The following RGPD2 variants were observed in gnomAD, a reference collection of about 807,000 sequenced individuals.
RGPD2 encodes the protein RANBP2-like and GRIP domain-containing protein 2.
Under a neutral mutation model 36.0 loss-of-function variants are expected in RGPD2, and 2 were observed. That is an observed-to-expected ratio of 0.06 (90% CI 0.02 to 0.17). The LOEUF is 0.17. Ranked by LOEUF, RGPD2 falls within the 10% of genes least tolerant of loss-of-function variation. The pLI, the probability that RGPD2 is intolerant of heterozygous loss-of-function variation, is 1.00. For missense variants in RGPD2, 40 were observed against 464.3 expected (o/e 0.09, Z 8.40); for synonymous variants, 19 against 163.8 (o/e 0.12, Z 6.75).
rs751300891 is a variant in RGPD2 at position 87,825,754 on chromosome 2, A to G, written c.-25T>C. ...TCGCACCGCCAACCTGGCTCCCGAG[A>G]CGCGTGAAACCAGCGCTCAGCCCCG... On this transcript the variant is annotated 5_prime_UTR_variant, in exon 1 of 23. Coordinates refer to ENST00000398146, the MANE Select transcript of RGPD2 (RefSeq NM_001078170.3). 2.5e-6 allele frequency: 4 copies of G among 1,583,722 alleles called. No homozygotes were observed. The South Asian group carries it at 3.4e-5, about 14-fold the overall frequency.
At chr2:87,917,014 T>C in the RGPD2 span, among the ~76,000 whole-genome samples, 1 of 152,116 alleles carries the variant, frequency 6.6e-6, no homozygotes, top group Non-Finnish European at 1.5e-5. Flanking sequence ...TTTGATTTAA[T>C]ATTTGAGTAG....
the RGPD2 span, among the ~76,000 whole-genome samples, chr2:87,915,399 A>T: frequency 2.8e-5 from 4 of 141,124 alleles, no homozygotes; most frequent in Admixed American, 7.4e-5. Flanking sequence ...ATATATGTAT[A>T]TTATATATAT....
At chr2:87,963,130 A>C in the RGPD2 span, among the ~76,000 whole-genome samples, 1 of 151,858 alleles carries the variant, frequency 6.6e-6, no homozygotes, top group Non-Finnish European at 1.5e-5. Flanking sequence ...AATAAGAATA[A>C]TAATATTTAA....
intron 1 of RGPD2, chr2:87,825,159 C>G (rs1045995747): frequency 7.7e-6 from 3 of 390,678 alleles, no homozygotes; most frequent in Admixed American, 8.9e-5. Flanking sequence ...GTCTGCCCGC[C>G]GCAGTACTGA....
chr2:87,964,649 C>T, the RGPD2 span, among the ~76,000 whole-genome samples: 1 of 150,322 alleles, frequency 6.7e-6, no homozygotes, highest in Admixed American at 6.7e-5. Flanking sequence ...CTAATGCAGA[C>T]TTCCATAACA....
the RGPD2 span, among the ~76,000 whole-genome samples, chr2:87,871,765 T>G: frequency 6.7e-6 from 1 of 149,946 alleles, no homozygotes; most frequent in African/African-American, 2.5e-5. Context: ...CTCGGGAGGC[T>G]GAGGCAGGAG....
the RGPD2 span, among the ~76,000 whole-genome samples, chr2:87,928,831 G>A: frequency 1.3e-5 from 2 of 150,840 alleles, no homozygotes; most frequent in Admixed American, 6.6e-5. Flanking sequence ...AGGATTGTGT[G>A]GGTCACATGT....
the RGPD2 span, among the ~76,000 whole-genome samples, chr2:87,885,974 T>G: frequency 6.6e-6 from 1 of 151,926 alleles, no homozygotes; most frequent in Non-Finnish European, 1.5e-5. Context: ...GGTCACAGAA[T>G]CGTTCTTTGT....
the RGPD2 span, among the ~76,000 whole-genome samples, chr2:87,963,048 T>C: frequency 5.6e-5 from 8 of 142,832 alleles, no homozygotes; most frequent in African/African-American, 2.0e-4. Context: ...ACGTGGGAGG[T>C]GGAGGTTGCA....
the RGPD2 span, among the ~76,000 whole-genome samples, chr2:87,973,693 T>TTAAA: frequency 9.5e-6 from 1 of 105,464 alleles, no homozygotes; most frequent in Non-Finnish European, 2.0e-5. Context: ...GTGAACCAGC[T>TTAAA]AAAAAAAAAA....
chr2:87,884,277 C>T, the RGPD2 span, among the ~76,000 whole-genome samples: 2 of 151,782 alleles, frequency 1.3e-5, no homozygotes, highest in Non-Finnish European at 2.9e-5. Context: ...CATACCAAGG[C>T]TTATGGGATG....
the RGPD2 span, among the ~76,000 whole-genome samples, chr2:87,863,712 G>GTATATATATATA: frequency 6.8e-5 from 10 of 146,352 alleles, no homozygotes; most frequent in African/African-American, 2.5e-4. Flanking sequence ...GTGTGTGTGT[G>GTATATATATATA]TATATATATA....
the RGPD2 span, among the ~76,000 whole-genome samples, chr2:87,988,779 G>T: frequency 6.6e-6 from 1 of 151,708 alleles, no homozygotes; most frequent in Non-Finnish European, 1.5e-5. Context: ...GACCTCAAGC[G>T]ATCCACCTGC....
chr2:87,761,772 TTTAG>T (rs1191527540), intron 22 of RGPD2, among the ~76,000 whole-genome samples: 1 of 105,136 alleles, frequency 9.5e-6, no homozygotes, highest in Non-Finnish European at 2.1e-5. Flanking sequence ...AGGTCTGGAG[TTTAG>T]TTAGTGATAC....
the RGPD2 span, among the ~76,000 whole-genome samples, chr2:87,857,678 C>T: frequency 3.2e-4 from 48 of 151,794 alleles, no homozygotes; most frequent in Non-Finnish European, 6.0e-4. Context: ...GTGTCTCACG[C>T]CTGTAATCTC....
chr2:87,837,229 TA>T, the RGPD2 span, among the ~76,000 whole-genome samples: 4 of 150,744 alleles, frequency 2.7e-5, no homozygotes, highest in Non-Finnish European at 5.9e-5. Context: ...TAAATAGACC[TA>T]ACCTCTACCA....
the RGPD2 span, among the ~76,000 whole-genome samples, chr2:87,912,992 T>G: frequency 1.3e-5 from 2 of 151,814 alleles, no homozygotes; most frequent in Non-Finnish European, 2.9e-5. Flanking sequence ...ATTTAATGTG[T>G]TTAATTAGAA....
the RGPD2 span, among the ~76,000 whole-genome samples, chr2:87,918,172 A>G: frequency 1.6e-5 from 2 of 124,910 alleles, 1 homozygote; most frequent in Admixed American, 1.6e-4. Flanking sequence ...GTATAAAAAT[A>G]GTCTCATATA....
chr2:87,910,569 A>G, the RGPD2 span, among the ~76,000 whole-genome samples: 1 of 152,232 alleles, frequency 6.6e-6, no homozygotes, highest in African/African-American at 2.4e-5. Context: ...TCTTTTATTC[A>G]TTCAACAAAT....
Sources: gnomAD v4.1 joint callset for allele counts (sites outside exome capture counted in the v4.1 genomes callset) on GRCh38, gnomAD v4.1.1 for gene constraint, MANE v1.5 for transcripts, NCBI Gene and HGNC (gene_info 2026-07-23, HGNC 2026-07-21) for gene names.